ATXN2: variants seen among roughly 807,000 people sequenced by gnomAD.
ATXN2 encodes ataxin 2.
A neutral mutation model predicts 138.6 loss-of-function variants in ATXN2; 37 were observed. That is an observed-to-expected ratio of 0.27 (90% confidence interval 0.21 to 0.35). The LOEUF (loss-of-function observed/expected upper bound fraction) is 0.35, where lower values mean the gene tolerates loss of function less well. Ranked by LOEUF, ATXN2 falls within the 10% of genes least tolerant of loss-of-function variation. The pLI, the probability that ATXN2 is intolerant of heterozygous loss-of-function variation, is 1.00. For synonymous variants in ATXN2, 549 were observed against 543.7 expected (o/e 1.01, Z -0.13); for missense variants, 1,216 against 1,480.3 (o/e 0.82, Z 2.93).
chr12:111,546,065 CTTTTATGA>C (rs1356173007), intron 5 of ATXN2, among the ~76,000 whole-genome samples: 1 of 152,042 alleles, frequency 6.6e-6, no homozygotes, highest in Non-Finnish European at 1.5e-5. Context: ...CAACCTTCCC[CTTTTATGA>C]TTTTTCACTA....
Position 111,485,853 on chromosome 12 carries a change from T to C in ATXN2, c.2317A>G (p.Thr773Ala). Residue 773 changes from threonine (T) to alanine (A), a missense_variant, in exon 17 of 25, where the codon ACT becomes GCT. Thr to Ala is a moderately conservative substitution (Grantham distance 58). This residue lies in a region of ATXN2 where 490 missense variants were observed against 653.5 expected (regional missense o/e 0.75). Coordinates refer to ENST00000673436, the MANE Select transcript of ATXN2 (RefSeq NM_001372574.1). Reference protein sequence around the residue: ...PRSFSQPKPSTTPTSPRPQAQ... With the variant: ...PRSFSQPKPSATPTSPRPQAQ... ...TGAGGCCGAGGTGAAGTTGGGGTAGTAGAAGGCTTTGGCTACAAAAACAAC... is the reference window on the plus strand; with the variant it reads ...TGAGGCCGAGGTGAAGTTGGGGTAGCAGAAGGCTTTGGCTACAAAAACAAC... The C allele has an allele frequency of 6.2e-7, 1 of 1,614,056 alleles. No homozygotes were observed.
chr12:111,553,357 A>C (rs1882216828), intron 3 of ATXN2, among the ~76,000 whole-genome samples: 1 of 152,076 alleles, frequency 6.6e-6, no homozygotes, highest in Admixed American at 6.5e-5. Flanking sequence ...CAGATACCGA[A>C]TTACATAATA....
intron 1 of ATXN2, among the ~76,000 whole-genome samples, chr12:111,584,250 C>T (rs1256881954): frequency 1.3e-5 from 2 of 150,780 alleles, no homozygotes; most frequent in East Asian, 2.0e-4. Context: ...GGCATGGTAG[C>T]GTGCTCCTGT....
intron 1 of ATXN2, among the ~76,000 whole-genome samples, chr12:111,574,862 TTCCAGAGA>T (rs1460674279): frequency 6.6e-6 from 1 of 152,196 alleles, no homozygotes; most frequent in Non-Finnish European, 1.5e-5. Context: ...TTTTCTTTCT[TTCCAGAGA>T]TCCAAAATAC....
At chr12:111,557,745 T>C (rs1406114006) in intron 1 of ATXN2, among the ~76,000 whole-genome samples, 2 of 152,202 alleles carry the variant, frequency 1.3e-5, no homozygotes, top group Non-Finnish European at 2.9e-5. Context: ...CTACCTCGCC[T>C]AACAAAAATT....
At chr12:111,558,205 G>A (rs1024082697) in intron 1 of ATXN2, among the ~76,000 whole-genome samples, 3 of 152,132 alleles carry the variant, frequency 2.0e-5, no homozygotes, top group South Asian at 2.1e-4. Context: ...TTAGCATATC[G>A]AAGCAGTATT....
chr12:111,577,512 G>A (rs557011160), intron 1 of ATXN2, among the ~76,000 whole-genome samples: 4 of 152,094 alleles, frequency 2.6e-5, no homozygotes, highest in South Asian at 2.1e-4. Flanking sequence ...TGATCCACCC[G>A]CCTCGGCCTC....
intron 1 of ATXN2, among the ~76,000 whole-genome samples, chr12:111,572,127 C>T (rs1883353991): frequency 6.6e-6 from 1 of 151,810 alleles, no homozygotes; most frequent in African/African-American, 2.4e-5. Context: ...GGGCTGGGCA[C>T]GGTGGTTCAC....
Position 111,454,791 on chromosome 12 carries a change from A to G in ATXN2, c.3271-946T>C, listed in dbSNP as rs1401851350. On this transcript the variant is annotated intron_variant, in intron 23 of 24. Transcript: ENST00000673436. Reference sequence around the variant, plus strand: ...CTTTTTGCCCTTTCAGCACAAAAACAGAGTGAGGTTTTAGGGATCCCTGAC... The same window carrying G: ...CTTTTTGCCCTTTCAGCACAAAAACGGAGTGAGGTTTTAGGGATCCCTGAC... 1.9e-5 allele frequency: 9 copies of G among 475,816 alleles called. No individual in the cohort carries two copies. The South Asian group carries it at 2.2e-4, about 12-fold the overall frequency. The allele number at this position is 475,816 out of a possible 1,614,324, so 29.5% of individuals were successfully genotyped here. A position where few individuals can be genotyped will look rare whatever the true frequency, so the allele number is the denominator to read the frequency against.
chr12:111,593,384 C>T (rs1260507315), intron 1 of ATXN2, among the ~76,000 whole-genome samples: 2 of 151,938 alleles, frequency 1.3e-5, no homozygotes, highest in Admixed American at 6.6e-5. Context: ...TATGAGCCAC[C>T]GCGCCTGGCC....
intron 17 of ATXN2, 51 bp from the exon 18 acceptor site, chr12:111,485,382 A>G: frequency 6.7e-7 from 1 of 1,500,150 alleles, no homozygotes; most frequent in Non-Finnish European, 9.2e-7. Context: ...GATAATAACA[A>G]GGTATTCTGT....
At chr12:111,527,026 A>G (rs893681292) in intron 5 of ATXN2, among the ~76,000 whole-genome samples, 1 of 152,158 alleles carries the variant, frequency 6.6e-6, no homozygotes, top group Admixed American at 6.5e-5. Context: ...TCTTCTACTA[A>G]TGTTATTGAA....
chr12:111,513,960 C>T (rs998662200), intron 10 of ATXN2, among the ~76,000 whole-genome samples: 23 of 151,690 alleles, frequency 1.5e-4, no homozygotes, highest in African/African-American at 5.6e-4. Flanking sequence ...TTCCCTGACC[C>T]GAATTTTCTA....
intron 1 of ATXN2, among the ~76,000 whole-genome samples, chr12:111,584,481 A>G (rs553191197): frequency 6.6e-6 from 1 of 151,620 alleles, no homozygotes; most frequent in East Asian, 1.9e-4. Flanking sequence ...AGTTGGCCAA[A>G]AATTACATTT....
chr12:111,481,738 C>G (rs1179064631), intron 18 of ATXN2, among the ~76,000 whole-genome samples: 2 of 152,114 alleles, frequency 1.3e-5, no homozygotes, highest in African/African-American at 4.8e-5. Context: ...TCACTGCAGC[C>G]TCCGCCTCCC....
chr12:111,584,837 A>T (rs1884237243), intron 1 of ATXN2, among the ~76,000 whole-genome samples: 1 of 151,602 alleles, frequency 6.6e-6, no homozygotes, highest in South Asian at 2.1e-4. Flanking sequence ...GGCATGGTGG[A>T]GCATGTCTGT....
chr12:111,560,432 C>T (rs1882619489), intron 1 of ATXN2, among the ~76,000 whole-genome samples: 1 of 151,982 alleles, frequency 6.6e-6, no homozygotes, highest in Admixed American at 6.6e-5. Context: ...GGACCAATCC[C>T]CCAAGGACAC....
intron 1 of ATXN2, among the ~76,000 whole-genome samples, chr12:111,568,442 T>G (rs1883134931): frequency 6.6e-6 from 1 of 152,234 alleles, no homozygotes; most frequent in African/African-American, 2.4e-5. Flanking sequence ...TCTAATGCTA[T>G]TTCAACAAGA....
chr12:111,599,620 G>GTGA, upstream of ATXN2: 1 of 1,077,534 alleles, frequency 9.3e-7, no homozygotes, highest in Non-Finnish European at 1.1e-6. Flanking sequence ...AGGTGGCCCC[G>GTGA]GGGCCGGGAG....
Sources: allele counts gnomAD v4.1 joint callset (sites outside exome capture counted in the v4.1 genomes callset), GRCh38; gene constraint gnomAD v4.1.1; regional missense constraint gnomAD v4.1.1; transcripts MANE v1.5; gene names NCBI Gene and HGNC (gene_info 2026-07-23, HGNC 2026-07-21).